The following EIF4G3 variants were observed in gnomAD, a reference collection of about 807,000 sequenced individuals.
EIF4G3 encodes eIF-4-gamma 3.
In EIF4G3, 34 loss-of-function variants were observed where a neutral mutation model predicts 186.4. That is an observed-to-expected ratio of 0.18 (90% confidence interval 0.14 to 0.24). The LOEUF (loss-of-function observed/expected upper bound fraction) is 0.24. Ranked by LOEUF, EIF4G3 falls within the 10% of genes least tolerant of loss-of-function variation. EIF4G3 has a pLI of 1.00. For missense variants in EIF4G3, 1,536 were observed against 1,948.5 expected (o/e 0.79, Z 3.99); for synonymous variants, 673 against 679.5 (o/e 0.99, Z 0.15).
rs11810317 is a variant in EIF4G3, at chr1:20,839,261, G to A, written c.4061+1595C>T. 7.0e-3 allele frequency among the ~76,000 whole-genome samples: 1,070 copies of A among 152,186 alleles called. 16 individuals carry two copies. Among genetic ancestry groups the A allele is most frequent in the African/African-American group, 0.024 (987 of 41,522 alleles). ...CAAAGTGCTGGGATTACAGGTGTGA[G>A]CTACGGTGCCCAGCCTAATTTTCAT... On this transcript the variant is annotated intron_variant, in intron 30 of 36. Coordinates refer to ENST00000602326, the MANE Select transcript of EIF4G3 (RefSeq NM_001391906.1).
intron 29 of EIF4G3, among the ~76,000 whole-genome samples, 167 bp downstream of exon 29, chr1:20,849,248 A>G (rs1367499641): frequency 6.6e-6 from 1 of 152,118 alleles, no homozygotes; most frequent in East Asian, 1.9e-4. Context: ...AAAAGAGAGT[A>G]CTTGGCAGAA....
At chr1:20,996,602 A>G (rs116206079) in intron 7 of EIF4G3, among the ~76,000 whole-genome samples, 79 of 152,350 alleles carry the variant, frequency 5.2e-4, no homozygotes, top group African/African-American at 1.8e-3. Flanking sequence ...TGTAAATATG[A>G]TAACACAGGC....
intron 2 of EIF4G3, among the ~76,000 whole-genome samples, chr1:21,136,575 T>C (rs1242320643): frequency 6.6e-6 from 1 of 151,524 alleles, no homozygotes; most frequent in Non-Finnish European, 1.5e-5. Context: ...AACTACATGG[T>C]TTAATGGGAA....
intron 14 of EIF4G3, among the ~76,000 whole-genome samples, chr1:20,924,621 A>C (rs1341236770): frequency 1.3e-5 from 2 of 152,200 alleles, no homozygotes; most frequent in Non-Finnish European, 2.9e-5. Flanking sequence ...GAGTGCATGC[A>C]GTGGCACGAT....
intron 2 of EIF4G3, among the ~76,000 whole-genome samples, chr1:21,154,692 T>C (rs1558216907): frequency 6.6e-6 from 1 of 152,202 alleles, no homozygotes; most frequent in Non-Finnish European, 1.5e-5. Context: ...AGGCAGCCAA[T>C]TTAACCTAAC....
intron 2 of EIF4G3, among the ~76,000 whole-genome samples, chr1:21,142,030 G>A (rs2097349550): frequency 6.6e-6 from 1 of 152,046 alleles, no homozygotes. Context: ...TGGCACACTG[G>A]CATGTGCCTA....
At chr1:21,031,432 G>A (rs990214821) in intron 4 of EIF4G3, among the ~76,000 whole-genome samples, 2 of 149,930 alleles carry the variant, frequency 1.3e-5, no homozygotes, top group African/African-American at 4.9e-5. Flanking sequence ...ATGCATTTTC[G>A]GCACAAGGGT....
Position 20,942,058 on chromosome 1 carries a change from T to C in EIF4G3, c.1096A>G (p.Thr366Ala). Residue 366 changes from threonine to alanine, a missense_variant, in exon 14 of 37, where the codon ACA becomes GCA. Transcript: ENST00000602326. ...RCELSSPRED[T>A]IPIPSLTSCT... Reference sequence around the variant, plus strand: ...GATGTGAGGCTGGGTATAGGAATTGTGTCTTCTCTTGGGGATGAGAGTTCA... The same window carrying C: ...GATGTGAGGCTGGGTATAGGAATTGCGTCTTCTCTTGGGGATGAGAGTTCA... 1 of 1,614,180 alleles carries C rather than the reference T, an allele frequency of 6.2e-7. No homozygotes were observed. Among genetic ancestry groups the C allele is most frequent in the East Asian group, 2.2e-5 (1 of 44,880 alleles).
intron 10 of EIF4G3, among the ~76,000 whole-genome samples, chr1:20,978,788 T>C (rs2077389137): frequency 2.0e-5 from 3 of 151,982 alleles, no homozygotes; most frequent in Admixed American, 6.6e-5. Flanking sequence ...GGGTATTGCG[T>C]ATCACTTTGA....
intron 30 of EIF4G3, among the ~76,000 whole-genome samples, chr1:20,839,017 C>T (rs564456964): frequency 3.3e-5 from 5 of 152,134 alleles, no homozygotes; most frequent in African/African-American, 9.6e-5. Flanking sequence ...CTTGCTCTGT[C>T]GCCCAGAATG....
intron 29 of EIF4G3, among the ~76,000 whole-genome samples, chr1:20,846,922 C>T (rs1415463238): frequency 6.6e-6 from 1 of 152,130 alleles, no homozygotes; most frequent in Non-Finnish European, 1.5e-5. Flanking sequence ...AATAAACCCT[C>T]AATAAATATT....
At chr1:21,154,938 G>A in intron 2 of EIF4G3, among the ~76,000 whole-genome samples, 1 of 152,024 alleles carries the variant, frequency 6.6e-6, no homozygotes, top group East Asian at 1.9e-4. Context: ...ATAAACAAAG[G>A]CTGAAACTGA....
intron 14 of EIF4G3, among the ~76,000 whole-genome samples, chr1:20,927,343 G>A (rs796866248): frequency 4.6e-5 from 7 of 152,320 alleles, no homozygotes; most frequent in African/African-American, 1.7e-4. Flanking sequence ...GCAAAGCTAG[G>A]ATGAAATAAT....
intron 12 of EIF4G3, among the ~76,000 whole-genome samples, chr1:20,960,407 A>G (rs2096545467): frequency 6.6e-6 from 1 of 152,074 alleles, no homozygotes; most frequent in Admixed American, 6.5e-5. Context: ...CGGAGGTTGC[A>G]GTGAGCCAAG....
At chr1:21,133,363 T>C (rs1344688899) in intron 2 of EIF4G3, among the ~76,000 whole-genome samples, 1 of 152,142 alleles carries the variant, frequency 6.6e-6, no homozygotes, top group Non-Finnish European at 1.5e-5. Flanking sequence ...TAGCTGGGAC[T>C]ACAGGCGTGT....
chr1:21,150,128 C>A (rs1351239554), intron 2 of EIF4G3, among the ~76,000 whole-genome samples: 1 of 152,218 alleles, frequency 6.6e-6, no homozygotes, highest in Non-Finnish European at 1.5e-5. Context: ...CAAGCTTCCC[C>A]TCCTGCTTCT....
At chr1:20,917,906 T>C (rs2094070755) in intron 14 of EIF4G3, among the ~76,000 whole-genome samples, 1 of 150,316 alleles carries the variant, frequency 6.7e-6, no homozygotes, top group African/African-American at 2.4e-5. Context: ...TATGACATAC[T>C]GTTTTTACAA....
At chr1:21,014,961 T>C (rs2088462333) in intron 4 of EIF4G3, among the ~76,000 whole-genome samples, 1 of 151,376 alleles carries the variant, frequency 6.6e-6, no homozygotes, top group South Asian at 2.1e-4. Flanking sequence ...TAAACTGTCC[T>C]AAATACACTC....
chr1:21,111,211 G>T, intron 2 of EIF4G3: 1 of 405,670 alleles, frequency 2.5e-6, no homozygotes, highest in Admixed American at 3.1e-5. Context: ...GTTGCTTTTA[G>T]AATGTGTTGC....
Sources: gnomAD v4.1 joint callset for allele counts (sites outside exome capture counted in the v4.1 genomes callset) on GRCh38, gnomAD v4.1.1 for gene constraint, MANE v1.5 for transcripts, NCBI Gene and HGNC (gene_info 2026-07-23, HGNC 2026-07-21) for gene names.